SLC13A3: variants seen among roughly 807,000 people sequenced by gnomAD.
SLC13A3 encodes solute carrier family 13 member 3, also known as Na(+)/dicarboxylate cotransporter 3.
In SLC13A3, 40 loss-of-function variants were observed where a neutral mutation model predicts 59.0. That is an observed-to-expected ratio of 0.68 (90% CI 0.53 to 0.88). The LOEUF is 0.88. Among genes scored for constraint, SLC13A3 ranks in the 40% least tolerant of loss-of-function variants. The pLI is 0.00. For synonymous variants in SLC13A3, 317 were observed against 330.3 expected, an observed-to-expected ratio of 0.96 and a Z score of 0.44; for missense variants, 699 against 783.2, an observed-to-expected ratio of 0.89 and a Z score of 1.28.
intron 1 of SLC13A3, among the ~76,000 whole-genome samples, chr20:46,667,615 G>C (rs145878514): frequency 6.6e-6 from 1 of 152,176 alleles, no homozygotes; most frequent in East Asian, 1.9e-4. Context: ...ACTTGTGTGA[G>C]TCTATCACCC....
At chr20:46,677,903 G>A (rs191327091) in intron 1 of SLC13A3, among the ~76,000 whole-genome samples, 47 of 152,304 alleles carry the variant, frequency 3.1e-4, no homozygotes, top group South Asian at 4.2e-4. Context: ...ATCTCCTGAC[G>A]ATGTTTCCAG....
intron 11 of SLC13A3, among the ~76,000 whole-genome samples, chr20:46,565,536 C>G (rs1600492673): frequency 6.6e-6 from 1 of 152,238 alleles, no homozygotes; most frequent in East Asian, 1.9e-4. Context: ...GTTGCCCAGG[C>G]TAGTCTGAAA....
intron 12 of SLC13A3, among the ~76,000 whole-genome samples, chr20:46,560,793 C>T (rs59232259): frequency 6.6e-6 from 1 of 152,114 alleles, no homozygotes; most frequent in Non-Finnish European, 1.5e-5. Flanking sequence ...CCCATCTGCT[C>T]CCTACCCTGG....
chr20:46,684,452 C>T (rs1247212047), exon 1 of SLC13A3: 1 of 152,156 alleles, frequency 6.6e-6, no homozygotes, highest in East Asian at 1.9e-4. Flanking sequence ...GATGGGGAAA[C>T]AAACACACCC....
At chr20:46,562,732 T>C (rs955601133) in intron 12 of SLC13A3, among the ~76,000 whole-genome samples, 16 of 151,872 alleles carry the variant, frequency 1.1e-4, no homozygotes, top group African/African-American at 3.9e-4. Flanking sequence ...AATCAATGAG[T>C]CTCTGTCTCG....
At chr20:46,655,652 C>T (rs995022407), upstream of SLC13A3, among the ~76,000 whole-genome samples, 2 of 146,986 alleles carry the variant, frequency 1.4e-5, no homozygotes, top group Non-Finnish European at 3.0e-5. Context: ...TACCTTTCGG[C>T]TATTGTGAGT....
At chr20:46,681,270 A>G (rs549000026) in intron 1 of SLC13A3, among the ~76,000 whole-genome samples, 1 of 152,240 alleles carries the variant, frequency 6.6e-6, no homozygotes, top group East Asian at 1.9e-4. Context: ...CCCTCATTAC[A>G]TGGTGCATAA....
At chr20:46,680,793 T>A in intron 1 of SLC13A3, among the ~76,000 whole-genome samples, 1 of 152,218 alleles carries the variant, frequency 6.6e-6, no homozygotes, top group Non-Finnish European at 1.5e-5. Context: ...ATCTCCTGTG[T>A]CCTCCATGCT....
chr20:46,626,089 A>C (rs2062666176), intron 1 of SLC13A3, among the ~76,000 whole-genome samples: 1 of 139,886 alleles, frequency 7.1e-6, no homozygotes, highest in Non-Finnish European at 1.5e-5. Flanking sequence ...GTTGCTGTCA[A>C]AGCTGTATTC....
intron 1 of SLC13A3, among the ~76,000 whole-genome samples, chr20:46,641,986 A>G (rs1189561313): frequency 6.6e-6 from 1 of 152,148 alleles, no homozygotes; most frequent in Non-Finnish European, 1.5e-5. Context: ...AAATGATTCA[A>G]ACTAACTAGC....
At chr20:46,577,508 C>T (rs1325951217) in intron 9 of SLC13A3, among the ~76,000 whole-genome samples, 2 of 151,954 alleles carry the variant, frequency 1.3e-5, no homozygotes, top group Non-Finnish European at 2.9e-5. Flanking sequence ...GCGACTTGCC[C>T]CACGCAGCAG....
intron 1 of SLC13A3, among the ~76,000 whole-genome samples, chr20:46,627,758 G>T (rs1271260823): frequency 3.3e-5 from 5 of 152,144 alleles, no homozygotes; most frequent in African/African-American, 1.2e-4. Context: ...TTGTATATGT[G>T]CCCACACATA....
chr20:46,664,699 A>G (rs904569018), intron 1 of SLC13A3, among the ~76,000 whole-genome samples: 4 of 152,226 alleles, frequency 2.6e-5, no homozygotes, highest in African/African-American at 9.6e-5. Context: ...GGAAGTTGAG[A>G]GTGGTGCTTT....
intron 1 of SLC13A3, among the ~76,000 whole-genome samples, chr20:46,622,912 A>G (rs1031746215): frequency 1.3e-5 from 2 of 152,178 alleles, no homozygotes; most frequent in African/African-American, 4.8e-5. Context: ...CTATCAGAAA[A>G]AGAAATTAAA....
intron 1 of SLC13A3, among the ~76,000 whole-genome samples, chr20:46,634,334 T>G (rs889577868): frequency 6.6e-6 from 1 of 152,148 alleles, no homozygotes; most frequent in African/African-American, 2.4e-5. Flanking sequence ...CCAGAGGTGA[T>G]GCAGATGGAA....
chr20:46,609,761 T>C (rs1273837542), intron 3 of SLC13A3, among the ~76,000 whole-genome samples: 1 of 152,238 alleles, frequency 6.6e-6, no homozygotes, highest in African/African-American at 2.4e-5. Context: ...TCCACCATAT[T>C]TGCCTTTGCC....
At chr20:46,641,995 G>A (rs547675187) in intron 1 of SLC13A3, among the ~76,000 whole-genome samples, 3 of 152,086 alleles carry the variant, frequency 2.0e-5, no homozygotes, top group Non-Finnish European at 4.4e-5. Context: ...AAACTAACTA[G>A]CCAGTCCTAA....
Position 46,583,679 on chromosome 20 carries a change from G to A in SLC13A3, c.1122-10C>T. 1.9e-6 allele frequency: 3 copies of A among 1,614,032 alleles called. No homozygotes were observed. The highest frequency in any genetic ancestry group is 1.1e-5 in the South Asian group (1 of 91,056). On this transcript the variant is annotated splice_polypyrimidine_tract_variant and intron_variant, in intron 8 of 12. Transcript: ENST00000279027. Reference sequence around the variant, plus strand: ...AGCATCAGAAAGAAACCTACAATGAGAAGGCCCCAAATCACGTGACCATGG... The same window carrying A: ...AGCATCAGAAAGAAACCTACAATGAAAAGGCCCCAAATCACGTGACCATGG...
intron 8 of SLC13A3, chr20:46,585,052 T>C (rs2062177586): frequency 5.5e-6 from 4 of 727,600 alleles, no homozygotes; most frequent in Non-Finnish European, 6.7e-6. Flanking sequence ...CAATAAGGAA[T>C]TGGTTAAATA....
Sources: gnomAD v4.1 joint callset for allele counts (sites outside exome capture counted in the v4.1 genomes callset) on GRCh38, gnomAD v4.1.1 for gene constraint, MANE v1.5 for transcripts, NCBI Gene and HGNC (gene_info 2026-07-23, HGNC 2026-07-21) for gene names.